Variants in AKR1C4 observed in about 807,000 individuals in gnomAD.
The protein encoded by AKR1C4 is aldo-keto reductase family 1 member C4, also known as 3-alpha-HSD1.
AKR1C4 carries 44 observed loss-of-function variants against 41.0 expected under a neutral mutation model. The ratio of observed to expected loss-of-function variants is 1.07; its 90% CI spans 0.84 to 1.38. The LOEUF is 1.38. AKR1C4 is among the 40% of genes most tolerant of loss of function. The pLI, the probability that AKR1C4 is intolerant of heterozygous loss-of-function variation, is 0.00. For synonymous variants in AKR1C4, 165 were observed against 137.7 expected (o/e 1.20, Z -1.39); for missense variants, 438 against 387.9 (o/e 1.13, Z -1.09).
chr10:5,207,757 C>A, intron 5 of AKR1C4: 1 of 418,382 alleles, frequency 2.4e-6, no homozygotes, highest in South Asian at 1.9e-5. Context: ...GAATATGATA[C>A]CTTTTCTATA....
chr10:5,216,823 GTTTATT>G (rs1832664303), intron 8 of AKR1C4, 30 bp downstream of exon 8: 2 of 1,527,726 alleles, frequency 1.3e-6, no homozygotes, highest in Non-Finnish European at 1.8e-6. Context: ...GGGTTTCCCA[GTTTATT>G]TTTAGAGGAG....
intron 2 of AKR1C4, among the ~76,000 whole-genome samples, chr10:5,200,948 T>A (rs576675237): frequency 1.3e-5 from 2 of 152,318 alleles, no homozygotes; most frequent in South Asian, 4.1e-4. Flanking sequence ...TTCCTTTTTA[T>A]ATATACACTA....
intron 5 of AKR1C4, chr10:5,207,547 A>T: frequency 1.6e-6 from 1 of 616,928 alleles, no homozygotes; most frequent in Non-Finnish European, 2.9e-6. Context: ...CCCTGTACTT[A>T]CAGGTGCTAA....
intron 1 of AKR1C4, among the ~76,000 whole-genome samples, chr10:5,199,011 ACT>A (rs1382315569): frequency 2.6e-5 from 4 of 151,966 alleles, no homozygotes; most frequent in Admixed American, 2.6e-4. Flanking sequence ...ACAGAGTGAG[ACT>A]CTGTCTCAAA....
chr10:5,218,836 T>A lies in AKR1C4; in HGVS notation c.*76T>A. ...GATGCAGAGGATGTCTCTATGCTGG[T>A]GACTGGACACACAGCCTCTGGTTAA... On this transcript the variant is annotated 3_prime_UTR_variant, in exon 9 of 9. Coordinates refer to ENST00000263126, the MANE Select transcript of AKR1C4 (RefSeq NM_001818.5). 6.9e-7 allele frequency: 1 copy of A among 1,449,388 alleles called. No individual in the cohort carries two copies. Among genetic ancestry groups the A allele is most frequent in the Non-Finnish European group, 9.7e-7 (1 of 1,032,784 alleles). 89.8% of individuals were successfully genotyped at this position (1,449,388 alleles called of 1,614,324 possible).
chr10:5,215,084 G>T (rs1832635793), intron 7 of AKR1C4, among the ~76,000 whole-genome samples: 1 of 152,192 alleles, frequency 6.6e-6, no homozygotes, highest in South Asian at 2.1e-4. Context: ...GTATAATGCT[G>T]CAGACAAAGA....
intron 1 of AKR1C4, among the ~76,000 whole-genome samples, chr10:5,197,283 G>A (rs1028102771): frequency 7.9e-5 from 12 of 152,200 alleles, no homozygotes; most frequent in Non-Finnish European, 2.9e-5. Context: ...TGACTGCAGT[G>A]AGAATGGTTT....
At chr10:5,200,087 C>T in intron 1 of AKR1C4, 94 bp from the exon 2 acceptor site, 1 of 1,502,978 alleles carries the variant, frequency 6.7e-7, no homozygotes, top group Admixed American at 2.0e-5. Flanking sequence ...GCCACACCCC[C>T]ACTGCACACC....
intron 1 of AKR1C4, among the ~76,000 whole-genome samples, chr10:5,198,456 T>C (rs1832346552): frequency 6.6e-6 from 1 of 152,186 alleles, no homozygotes; most frequent in Non-Finnish European, 1.5e-5. Flanking sequence ...CTGCTTTCTT[T>C]ACAAGACCGG....
chr10:5,215,382 TAAAAA>T lies in AKR1C4; in HGVS notation c.847-1325_847-1321del, dbSNP rs150164929. On this transcript the variant is annotated intron_variant, in intron 7 of 8. Transcript: ENST00000263126. ...TGTATTAGTCTGTTTTGTGCTGCTG[TAAAAA>T]AAATACTTGATGCTGGGCAATTTAT... Among the ~76,000 whole-genome samples, 227 of 152,022 alleles carry T rather than the reference TAAAAA, an allele frequency of 1.5e-3. 1 individual carries two copies. The highest frequency in any genetic ancestry group is 0.014 in the Middle Eastern group (4 of 294).
At chr10:5,199,393 G>C (rs375273713) in intron 1 of AKR1C4, among the ~76,000 whole-genome samples, 1 of 152,076 alleles carries the variant, frequency 6.6e-6, no homozygotes, top group African/African-American at 2.4e-5. Context: ...CGGCTCCACC[G>C]CCTCGGACCT....
At chr10:5,208,496 C>T (rs1832522318) in intron 5 of AKR1C4, among the ~76,000 whole-genome samples, 1 of 151,500 alleles carries the variant, frequency 6.6e-6, no homozygotes, top group East Asian at 1.9e-4. Flanking sequence ...GACACTTTGC[C>T]AACCTGGCAA....
At chr10:5,211,727 C>T (rs1554797939) in intron 5 of AKR1C4, among the ~76,000 whole-genome samples, 1 of 152,178 alleles carries the variant, frequency 6.6e-6, no homozygotes. Flanking sequence ...TTCAACAATG[C>T]CCCACTCTAC....
intron 7 of AKR1C4, among the ~76,000 whole-genome samples, chr10:5,216,239 G>T (rs939689217): frequency 2.0e-5 from 3 of 152,052 alleles, no homozygotes; most frequent in Non-Finnish European, 4.4e-5. Flanking sequence ...CCATGGGGAG[G>T]GCACCCAGCC....
chr10:5,212,128 C>G (rs1297330253), intron 5 of AKR1C4, among the ~76,000 whole-genome samples: 5 of 152,210 alleles, frequency 3.3e-5, no homozygotes, highest in Admixed American at 2.0e-4. Context: ...TTTGATCACT[C>G]TGTCTTTTAA....
At chr10:5,214,473 C>A (rs1470409239) in intron 7 of AKR1C4, among the ~76,000 whole-genome samples, 1 of 152,132 alleles carries the variant, frequency 6.6e-6, no homozygotes, top group Non-Finnish European at 1.5e-5. Flanking sequence ...TGTTCTCTGG[C>A]TGAAATTGCT....
At chr10:5,213,509 C>T (rs1220563899) in intron 7 of AKR1C4, among the ~76,000 whole-genome samples, 2 of 152,100 alleles carry the variant, frequency 1.3e-5, no homozygotes, top group African/African-American at 4.8e-5. Flanking sequence ...TCCTTGTTTA[C>T]TCAGTATAAA....
At chr10:5,207,344 G>T (rs550912526) in intron 5 of AKR1C4, 2 of 297,326 alleles carry the variant, frequency 6.7e-6, no homozygotes, top group East Asian at 1.0e-4. Context: ...AAAAGATTAA[G>T]GTAATTTTGG....
Position 5,218,264 on chromosome 10 carries a change from CAGTAATG to C in AKR1C4, c.930-452_930-446del, listed in dbSNP as rs546069213. ...ATTTTCCATATGGTAAGCAGCTAGTCAGTAATGAATACATTCTTTTAAAAGGATATGT... is the reference window on the plus strand; with the variant it reads ...ATTTTCCATATGGTAAGCAGCTAGTCAATACATTCTTTTAAAAGGATATGT... On this transcript the variant is annotated intron_variant, in intron 8 of 8. Coordinates refer to ENST00000263126, the MANE Select transcript of AKR1C4 (RefSeq NM_001818.5). Among the ~76,000 whole-genome samples the C allele has an allele frequency of 2.0e-3, 307 of 152,246 alleles. 3 individuals carry two copies. Among genetic ancestry groups the C allele is most frequent in the Middle Eastern group, 6.8e-3 (2 of 294 alleles).
Sources: allele counts gnomAD v4.1 joint callset (sites outside exome capture counted in the v4.1 genomes callset), GRCh38; gene constraint gnomAD v4.1.1; transcripts MANE v1.5; gene names NCBI Gene and HGNC (gene_info 2026-07-23, HGNC 2026-07-21).